BTBD8: variants seen among roughly 807,000 people sequenced by gnomAD.
BTBD8 encodes BTB/POZ domain-containing protein 8.
BTBD8 carries 110 observed loss-of-function variants against 162.9 expected under a neutral mutation model. The ratio of observed to expected loss-of-function variants is 0.68; its 90% CI spans 0.58 to 0.79. The LOEUF (loss-of-function observed/expected upper bound fraction) is 0.79. BTBD8 is among the 30% of genes least tolerant of loss of function. The pLI is 0.00. For synonymous variants in BTBD8, 667 were observed against 716.1 expected, an observed-to-expected ratio of 0.93 and a Z score of 1.10; for missense variants, 1,905 against 2,085.4, an observed-to-expected ratio of 0.91 and a Z score of 1.68.
At chr1:92,174,599 G>A (rs1650649451) in intron 13 of BTBD8, among the ~76,000 whole-genome samples, 1 of 149,422 alleles carries the variant, frequency 6.7e-6, no homozygotes, top group Non-Finnish European at 1.5e-5. Flanking sequence ...AAGTCAGCCT[G>A]GTTTTAGGTA....
intron 7 of BTBD8, among the ~76,000 whole-genome samples, chr1:92,146,848 T>A (rs1649936360): frequency 1.3e-5 from 2 of 152,156 alleles, no homozygotes; most frequent in African/African-American, 2.4e-5. Context: ...TATTTATCCA[T>A]TCATCTAGTA....
intron 13 of BTBD8, among the ~76,000 whole-genome samples, chr1:92,175,604 G>A (rs1048468596): frequency 2.6e-5 from 4 of 151,506 alleles, no homozygotes; most frequent in African/African-American, 9.7e-5. Flanking sequence ...AGATCAGCCT[G>A]GGCAACACGG....
chr1:92,080,783 T>G, intron 1 of BTBD8, 63 bp downstream of exon 1: 1 of 1,548,942 alleles, frequency 6.5e-7, no homozygotes, highest in Non-Finnish European at 8.7e-7. Context: ...GCCCCGAAGC[T>G]GAGGCTTCTT....
chr1:92,107,849 A>C (rs758595751), intron 3 of BTBD8, 35 bp from the exon 4 acceptor site: 2 of 1,537,208 alleles, frequency 1.3e-6, no homozygotes, highest in East Asian at 2.3e-5. Flanking sequence ...TTGTAATATT[A>C]AACTATTTTT....
chr1:92,169,079 A>C, intron 12 of BTBD8, 84 bp downstream of exon 12: 1 of 1,321,156 alleles, frequency 7.6e-7, no homozygotes, highest in Non-Finnish European at 1.0e-6. Flanking sequence ...ATAAGTGAAA[A>C]GGTTAACATT....
chr1:92,126,288 G>C (rs571568443), intron 4 of BTBD8: 1 of 603,792 alleles, frequency 1.7e-6, no homozygotes, highest in Non-Finnish European at 3.2e-6. Context: ...GGGGCCTTCT[G>C]ATTATTTTGG....
At chr1:92,153,461 G>T (rs1650092692) in intron 9 of BTBD8, among the ~76,000 whole-genome samples, 1 of 152,076 alleles carries the variant, frequency 6.6e-6, no homozygotes, top group Non-Finnish European at 1.5e-5. Flanking sequence ...CAGGCACACA[G>T]TTGAACAGCT....
intron 9 of BTBD8, among the ~76,000 whole-genome samples, chr1:92,164,688 G>T (rs1239333412): frequency 6.8e-6 from 1 of 146,800 alleles, no homozygotes; most frequent in Non-Finnish European, 1.5e-5. Context: ...ACATGGCGGG[G>T]TCTTGCTCTG....
chr1:92,085,033 G>A (rs1648122037), intron 1 of BTBD8, among the ~76,000 whole-genome samples: 1 of 152,046 alleles, frequency 6.6e-6, no homozygotes, highest in Non-Finnish European at 1.5e-5. Context: ...CCCTCTGTGA[G>A]GTCTCCTCTT....
In BTBD8 at chr1:92,132,355, C is replaced by G. The variant is rs185954567; in HGVS notation, c.752+2579C>G. 3.6e-4 allele frequency among the ~76,000 whole-genome samples: 54 copies of G among 151,150 alleles called. 1 individual carries two copies. The highest frequency in any genetic ancestry group is 3.0e-3 in the Admixed American group (46 of 15,208). The stretch of plus-strand genomic sequence containing the variant: ...GTCTTCCTTAATCACCCCTCATGAG[C>G]TGATGAGATTAAACATTCAAACACT... On this transcript the variant is annotated intron_variant, in intron 5 of 17. Coordinates refer to ENST00000636805, the MANE Select transcript of BTBD8 (RefSeq NM_001376131.1).
At chr1:92,162,164 A>G (rs1650287251) in intron 9 of BTBD8, among the ~76,000 whole-genome samples, 1 of 152,204 alleles carries the variant, frequency 6.6e-6, no homozygotes, top group Non-Finnish European at 1.5e-5. Context: ...GTTTGTACTC[A>G]AACTATTGCT....
chr1:92,114,407 CAT>C (rs1294070086), intron 4 of BTBD8, among the ~76,000 whole-genome samples: 1 of 151,986 alleles, frequency 6.6e-6, no homozygotes, highest in African/African-American at 2.4e-5. Flanking sequence ...TTATTACAAA[CAT>C]ATTGTTTTTA....
In BTBD8 at chr1:92,108,013, C is replaced by A; in HGVS notation, c.662+12C>A. 6.3e-7 allele frequency: 1 copy of A among 1,595,920 alleles called. No homozygotes were observed. Among genetic ancestry groups the A allele is most frequent in the East Asian group, 2.2e-5 (1 of 44,780 alleles). ...TTTAAAGCTCACAGGTAAATAGACA[C>A]GACTGATTTGCTGTCTTGGTTGTGG... On this transcript the variant is annotated intron_variant, in intron 4 of 17. Transcript: ENST00000636805.
intron 4 of BTBD8, among the ~76,000 whole-genome samples, chr1:92,122,873 C>G (rs1033075590): frequency 2.0e-5 from 3 of 152,188 alleles, no homozygotes; most frequent in African/African-American, 7.2e-5. Flanking sequence ...CCAGGGATGT[C>G]ATTTTTTATA....
intron 12 of BTBD8, among the ~76,000 whole-genome samples, chr1:92,169,517 G>T (rs1029088393): frequency 3.9e-5 from 6 of 152,028 alleles, no homozygotes; most frequent in Non-Finnish European, 7.4e-5. Flanking sequence ...CATTTAATAG[G>T]TATCATCTGA....
chr1:92,086,016 T>C (rs35413685), intron 1 of BTBD8, among the ~76,000 whole-genome samples: 12,200 of 152,186 alleles, frequency 0.08, 1,413 homozygotes, highest in African/African-American at 0.26. Flanking sequence ...TGAAAGAAAG[T>C]GGTGTATCAA....
chr1:92,137,337 C>A (rs764528299), intron 5 of BTBD8, among the ~76,000 whole-genome samples: 11 of 152,068 alleles, frequency 7.2e-5, no homozygotes, highest in Non-Finnish European at 1.5e-4. Context: ...GTGGAAGATT[C>A]CAGGCCAGAA....
Position 92,172,796 on chromosome 1 carries a change from T to C in BTBD8, c.1635+1336T>C, listed in dbSNP as rs142109089. ...AGGAAGAGGTCAAGCTCCAAATGTC[T>C]TGAGTGAGAAACTGGGAGACTGGAG... On this transcript the variant is annotated intron_variant, in intron 13 of 17. Coordinates refer to ENST00000636805, the MANE Select transcript of BTBD8 (RefSeq NM_001376131.1). 3.8e-3 allele frequency among the ~76,000 whole-genome samples: 576 copies of C among 152,306 alleles called. 1 individual carries two copies. The highest frequency in any genetic ancestry group is 6.8e-3 in the Admixed American group (104 of 15,302).
chr1:92,152,557 G>GT (rs1202956017), intron 9 of BTBD8, among the ~76,000 whole-genome samples: 1 of 152,174 alleles, frequency 6.6e-6, no homozygotes, highest in Non-Finnish European at 1.5e-5. Flanking sequence ...AGACTAGGCA[G>GT]TGTCAGTATT....
Sources: gnomAD v4.1 joint callset for allele counts (sites outside exome capture counted in the v4.1 genomes callset) on GRCh38, gnomAD v4.1.1 for gene constraint, MANE v1.5 for transcripts, NCBI Gene and HGNC (gene_info 2026-07-23, HGNC 2026-07-21) for gene names.